PALM2AKAP2: variants seen among roughly 807,000 people sequenced by gnomAD.
The protein encoded by PALM2AKAP2 is PALM2-AKAP2 fusion protein.
Under a neutral mutation model 71.5 loss-of-function variants are expected in PALM2AKAP2, and 37 were observed. The observed-to-expected ratio is 0.52, with a 90% CI of 0.40 to 0.68. The LOEUF is 0.68. Among genes scored for constraint, PALM2AKAP2 ranks in the 30% least tolerant of loss-of-function variants. The pLI, the probability that PALM2AKAP2 is intolerant of heterozygous loss-of-function variation, is 0.00. For synonymous variants in PALM2AKAP2, 468 were observed against 478.8 expected, an observed-to-expected ratio of 0.98 and a Z score of 0.29; for missense variants, 1,224 against 1,191.8, an observed-to-expected ratio of 1.03 and a Z score of -0.40.
intron 2 of PALM2AKAP2, among the ~76,000 whole-genome samples, chr9:110,155,988 G>A (rs572559572): frequency 1.3e-5 from 2 of 152,200 alleles, no homozygotes; most frequent in Admixed American, 6.5e-5. Flanking sequence ...ACCTCTGACA[G>A]TCTAATTCTG....
chr9:110,109,160 A>G (rs536807773), intron 1 of PALM2AKAP2, among the ~76,000 whole-genome samples: 1 of 152,020 alleles, frequency 6.6e-6, no homozygotes, highest in Admixed American at 6.5e-5. Context: ...TCTACTGAAA[A>G]TAGAAAATTA....
intron 7 of PALM2AKAP2, among the ~76,000 whole-genome samples, chr9:110,024,428 C>T (rs1833135645): frequency 6.6e-6 from 1 of 151,590 alleles, no homozygotes. Context: ...GAGGTTTATC[C>T]ACATTGTAGC....
intron 6 of PALM2AKAP2, among the ~76,000 whole-genome samples, chr9:110,002,846 T>C (rs1472940892): frequency 6.6e-6 from 1 of 152,222 alleles, no homozygotes. Flanking sequence ...TCTCTGATGG[T>C]AGTTTGTATT....
intron 1 of PALM2AKAP2, among the ~76,000 whole-genome samples, chr9:110,069,126 G>A (rs1165985908): frequency 6.6e-6 from 1 of 151,932 alleles, no homozygotes; most frequent in Non-Finnish European, 1.5e-5. Context: ...GTAGAGGTAG[G>A]GAGGCCACAA....
chr9:110,122,943 G>T (rs1434876093), intron 1 of PALM2AKAP2, among the ~76,000 whole-genome samples: 1 of 152,198 alleles, frequency 6.6e-6, no homozygotes, highest in Non-Finnish European at 1.5e-5. Context: ...TCAAGTGTGG[G>T]ATGGCTCTGT....
rs184418400 is a variant in PALM2AKAP2, at chr9:109,929,757, G to A, written c.395-2170G>A. 4.1e-3 allele frequency among the ~76,000 whole-genome samples: 614 copies of A among 151,522 alleles called. 7 individuals carry two copies. The highest frequency in any genetic ancestry group is 0.014 in the African/African-American group (598 of 41,250). On this transcript the variant is annotated intron_variant, in intron 5 of 9. Transcript: ENST00000302798. Reference sequence around the variant, plus strand: ...TGGGCGCCTGTAGTCCCAGCTACTCGGGAGGCTGAGGCAGGAGAATGGCGT... The same window carrying A: ...TGGGCGCCTGTAGTCCCAGCTACTCAGGAGGCTGAGGCAGGAGAATGGCGT...
intron 2 of PALM2AKAP2, among the ~76,000 whole-genome samples, chr9:110,143,249 T>TAAA (rs75810628): frequency 2.8e-4 from 36 of 126,930 alleles, no homozygotes; most frequent in African/African-American, 1.0e-3. Context: ...CCCCATCTCT[T>TAAA]AAAAAAAAAA....
At chr9:110,077,215 A>G (rs1834342086) in intron 1 of PALM2AKAP2, among the ~76,000 whole-genome samples, 1 of 152,158 alleles carries the variant, frequency 6.6e-6, no homozygotes, top group Non-Finnish European at 1.5e-5. Context: ...CTTTATCTGT[A>G]AAAGGAAGAC....
intron 1 of PALM2AKAP2, among the ~76,000 whole-genome samples, chr9:109,793,790 T>C (rs916680136): frequency 6.6e-6 from 1 of 152,220 alleles, no homozygotes; most frequent in African/African-American, 2.4e-5. Context: ...AAAAAGGATC[T>C]TTTATGACTC....
At chr9:109,670,403 G>A (rs1827556253) in intron 1 of PALM2AKAP2, among the ~76,000 whole-genome samples, 1 of 152,066 alleles carries the variant, frequency 6.6e-6, no homozygotes, top group Non-Finnish European at 1.5e-5. Context: ...ATTTGCTATG[G>A]ATAATGGCCT....
chr9:109,688,405 C>T (rs1424299739), intron 1 of PALM2AKAP2, among the ~76,000 whole-genome samples: 1 of 152,196 alleles, frequency 6.6e-6, no homozygotes, highest in Non-Finnish European at 1.5e-5. Context: ...TGATGGAGCG[C>T]CCATAGGGTG....
chr9:109,694,727 G>A (rs944965976), intron 1 of PALM2AKAP2, among the ~76,000 whole-genome samples: 4 of 152,038 alleles, frequency 2.6e-5, no homozygotes, highest in Non-Finnish European at 4.4e-5. Flanking sequence ...GGAAGATTCT[G>A]AAAAAGAAGA....
intron 6 of PALM2AKAP2, among the ~76,000 whole-genome samples, chr9:109,988,239 A>C (rs890383047): frequency 6.6e-6 from 1 of 152,148 alleles, no homozygotes; most frequent in African/African-American, 2.4e-5. Flanking sequence ...TATTATTGTA[A>C]TTTATGTTTC....
intron 1 of PALM2AKAP2, among the ~76,000 whole-genome samples, chr9:109,810,414 G>A (rs1260611982): frequency 1.3e-5 from 2 of 152,182 alleles, no homozygotes; most frequent in Admixed American, 6.5e-5. Context: ...ATTTAAGAAA[G>A]TATTTCTAGA....
chr9:109,705,820 T>G (rs1056580772), intron 1 of PALM2AKAP2, among the ~76,000 whole-genome samples: 3 of 152,230 alleles, frequency 2.0e-5, no homozygotes, highest in Non-Finnish European at 4.4e-5. Context: ...ATTTAACTTC[T>G]CTGTGCCTCT....
chr9:110,118,688 T>C (rs147868840), intron 1 of PALM2AKAP2, among the ~76,000 whole-genome samples: 1 of 152,176 alleles, frequency 6.6e-6, no homozygotes, highest in Non-Finnish European at 1.5e-5. Flanking sequence ...AGTTAATATA[T>C]GCACATATTC....
chr9:109,867,454 C>T (rs1564187624), intron 1 of PALM2AKAP2, 37 bp from the exon 2 acceptor site: 1 of 1,607,036 alleles, frequency 6.2e-7, no homozygotes, highest in African/African-American at 1.3e-5. Flanking sequence ...AGCCAACACC[C>T]ACCCACTCTT....
At chr9:110,127,384 A>T (rs1238464640) in intron 1 of PALM2AKAP2, among the ~76,000 whole-genome samples, 1 of 152,148 alleles carries the variant, frequency 6.6e-6, no homozygotes, top group East Asian at 1.9e-4. Context: ...TCCATCAGCC[A>T]GGAGGGGAGG....
intron 3 of PALM2AKAP2, among the ~76,000 whole-genome samples, chr9:109,896,127 G>T (rs1278355530): frequency 6.6e-6 from 1 of 151,902 alleles, no homozygotes. Context: ...GGAAGTTGCA[G>T]TGAGCCGAGA....
Sources: gnomAD v4.1 joint callset for allele counts (sites outside exome capture counted in the v4.1 genomes callset) on GRCh38, gnomAD v4.1.1 for gene constraint, MANE v1.5 for transcripts, NCBI Gene and HGNC (gene_info 2026-07-23, HGNC 2026-07-21) for gene names.